The following XPR1 variants were observed in gnomAD, a reference collection of about 807,000 sequenced individuals.
XPR1 encodes the protein solute carrier family 53 member 1.
Under a neutral mutation model 87.5 loss-of-function variants are expected in XPR1, and 28 were observed. That is an observed-to-expected ratio of 0.32 (90% CI 0.24 to 0.44). The LOEUF is 0.44. Among genes scored for constraint, XPR1 ranks in the 20% least tolerant of loss-of-function variants. The pLI is 1.00. For synonymous variants in XPR1, 300 were observed against 306.1 expected (o/e 0.98, Z 0.21); for missense variants, 559 against 862.3 (o/e 0.65, Z 4.41).
intron 7 of XPR1, among the ~76,000 whole-genome samples, chr1:180,823,350 T>C (rs1018589340): frequency 3.3e-5 from 5 of 152,186 alleles, no homozygotes; most frequent in African/African-American, 9.7e-5. Flanking sequence ...GTGTTTCTCA[T>C]ACAGTGGGCT....
Position 180,863,882 on chromosome 1 carries a change from T to A in XPR1, c.1668+8T>A. ...ATTGTATACCCCCAAAAAGTATGTA[T>A]AAAGAGTGTGTTTGTTTAAAAGAAC... On this transcript the variant is annotated splice_region_variant and intron_variant, in intron 12 of 14. Transcript: ENST00000367590. The A allele has an allele frequency of 6.3e-7, 1 of 1,575,678 alleles. No individual in the cohort carries two copies. Among genetic ancestry groups the A allele is most frequent in the Non-Finnish European group, 8.6e-7 (1 of 1,164,872 alleles).
chr1:180,672,006 T>G (rs1260584959), intron 1 of XPR1, among the ~76,000 whole-genome samples: 2 of 152,152 alleles, frequency 1.3e-5, no homozygotes, highest in Non-Finnish European at 2.9e-5. Context: ...AGAAAATGAA[T>G]TGAATTTTGA....
chr1:180,799,151 G>A (rs1649693858), intron 3 of XPR1, among the ~76,000 whole-genome samples: 1 of 152,144 alleles, frequency 6.6e-6, no homozygotes, highest in Non-Finnish European at 1.5e-5. Context: ...CAATTCAGTA[G>A]AACCATTGTT....
At chr1:180,672,815 T>C (rs181103441) in intron 1 of XPR1, among the ~76,000 whole-genome samples, 333 of 152,290 alleles carry the variant, frequency 2.2e-3, no homozygotes, top group African/African-American at 7.9e-3. Context: ...TTTTTCAAGG[T>C]TTCCATTTGG....
intron 2 of XPR1, among the ~76,000 whole-genome samples, chr1:180,721,189 G>A (rs1397962345): frequency 6.7e-6 from 1 of 150,166 alleles, no homozygotes; most frequent in African/African-American, 2.5e-5. Context: ...CCATGGCACT[G>A]TAGCCTGGGT....
chr1:180,744,946 C>T (rs779686033), intron 2 of XPR1, among the ~76,000 whole-genome samples: 4 of 151,842 alleles, frequency 2.6e-5, no homozygotes, highest in Non-Finnish European at 5.9e-5. Context: ...CCACCATGCC[C>T]GGCTGGTTTA....
chr1:180,854,752 T>A (rs1651977409), intron 11 of XPR1, among the ~76,000 whole-genome samples: 1 of 152,198 alleles, frequency 6.6e-6, no homozygotes, highest in African/African-American at 2.4e-5. Flanking sequence ...TGGCGGCTGA[T>A]AATGAGATAA....
intron 3 of XPR1, among the ~76,000 whole-genome samples, chr1:180,800,058 C>T (rs1649725147): frequency 6.6e-6 from 1 of 152,206 alleles, no homozygotes; most frequent in Admixed American, 6.5e-5. Flanking sequence ...GCCCTTTCTT[C>T]ATCATGTTCC....
chr1:180,807,909 C>G (rs552809687), intron 6 of XPR1, among the ~76,000 whole-genome samples: 1 of 152,250 alleles, frequency 6.6e-6, no homozygotes, highest in African/African-American at 2.4e-5. Flanking sequence ...GAGGCTGAAG[C>G]ACAAGAATCA....
At chr1:180,735,534 G>T (rs913176220) in intron 2 of XPR1, among the ~76,000 whole-genome samples, 2 of 152,086 alleles carry the variant, frequency 1.3e-5, no homozygotes, top group African/African-American at 4.8e-5. Context: ...TATTTGATTT[G>T]TGTACAATCA....
At chr1:180,767,909 A>G (rs528655675) in intron 2 of XPR1, among the ~76,000 whole-genome samples, 45 of 151,964 alleles carry the variant, frequency 3.0e-4, no homozygotes, top group Non-Finnish European at 5.3e-4. Flanking sequence ...CAGTGGCGCA[A>G]TCTCGGCTCA....
intron 2 of XPR1, among the ~76,000 whole-genome samples, chr1:180,749,319 T>C (rs1205713818): frequency 6.6e-6 from 1 of 152,268 alleles, no homozygotes; most frequent in East Asian, 1.9e-4. Context: ...GAGGACATGT[T>C]CTAAACTATT....
chr1:180,862,970 GTA>G (rs1293718136), intron 11 of XPR1, among the ~76,000 whole-genome samples: 1 of 152,026 alleles, frequency 6.6e-6, no homozygotes, highest in African/African-American at 2.4e-5. Flanking sequence ...TGATTAAATT[GTA>G]TAACTATATT....
intron 2 of XPR1, among the ~76,000 whole-genome samples, chr1:180,685,260 T>G (rs1424029416): frequency 6.6e-6 from 1 of 152,238 alleles, no homozygotes; most frequent in Non-Finnish European, 1.5e-5. Context: ...ATTTTTGTCT[T>G]TGGTTCTGTT....
At chr1:180,635,837 A>C (rs1466113704) in intron 1 of XPR1, among the ~76,000 whole-genome samples, 1 of 151,978 alleles carries the variant, frequency 6.6e-6, no homozygotes, top group Non-Finnish European at 1.5e-5. Context: ...TAAGCTCACA[A>C]CCCCCGTATT....
chr1:180,862,151 T>G (rs1652245237), intron 11 of XPR1, among the ~76,000 whole-genome samples: 1 of 152,070 alleles, frequency 6.6e-6, no homozygotes, highest in South Asian at 2.1e-4. Flanking sequence ...GAACTGATGT[T>G]CACACAACAC....
chr1:180,834,976 A>G lies in XPR1; in HGVS notation c.1237A>G (p.Met413Val), dbSNP rs1240712548. 1 of 1,614,120 alleles carries G rather than the reference A, an allele frequency of 6.2e-7. No individual in the cohort carries two copies. Among genetic ancestry groups the G allele is most frequent in the Non-Finnish European group, 8.5e-7 (1 of 1,180,014 alleles). ...LSVILMDLEY[M>V]ICFYSLELKW... ...AGTGATACTGATGGACCTGGAATAT[A>G]TGATCTGCTTCTACAGTTTGGAGCT... Residue 413 changes from methionine (M) to valine (V), a missense_variant, in exon 10 of 15, where the codon ATG becomes GTG. By Grantham distance (21) the Met-to-Val change is conservative. Around this residue, in one of 7 missense-constraint regions of XPR1, gnomAD observed 264 missense variants for 377.2 expected, o/e 0.70. Coordinates refer to ENST00000367590, the MANE Select transcript of XPR1 (RefSeq NM_004736.4).
At chr1:180,682,507 T>C (rs1571718391) in intron 2 of XPR1, 96 bp downstream of exon 2, 1 of 745,118 alleles carries the variant, frequency 1.3e-6, no homozygotes, top group Non-Finnish European at 2.0e-6. Context: ...TGATAACCTG[T>C]CCTATTATAT....
At chr1:180,743,494 A>G (rs1189774867) in intron 2 of XPR1, among the ~76,000 whole-genome samples, 3 of 152,080 alleles carry the variant, frequency 2.0e-5, no homozygotes, top group East Asian at 1.9e-4. Flanking sequence ...ACAAGATTAT[A>G]CTTTTTGCTT....
Sources: allele counts gnomAD v4.1 joint callset (sites outside exome capture counted in the v4.1 genomes callset), GRCh38; gene constraint gnomAD v4.1.1; regional missense constraint gnomAD v4.1.1; transcripts MANE v1.5; gene names NCBI Gene and HGNC (gene_info 2026-07-23, HGNC 2026-07-21).